Variants in DLG2 observed in about 807,000 individuals in gnomAD.
DLG2 encodes discs large MAGUK scaffold protein 2.
DLG2 carries 45 observed loss-of-function variants against 132.5 expected under a neutral mutation model. The observed-to-expected ratio is 0.34, with a 90% CI of 0.27 to 0.44. The LOEUF is 0.44. DLG2 is among the 20% of genes least tolerant of loss of function. The probability of loss-of-function intolerance (pLI) is 1.00; values close to 1 mark genes in which losing one functional copy is unlikely to be tolerated. For synonymous variants in DLG2, 424 were observed against 419.6 expected (o/e 1.01, Z -0.13); for missense variants, 1,045 against 1,196.9 (o/e 0.87, Z 1.87).
chr11:83,578,927 G>A (rs1403492453), intron 19 of DLG2, among the ~76,000 whole-genome samples: 5 of 152,202 alleles, frequency 3.3e-5, no homozygotes, highest in Non-Finnish European at 7.4e-5. Context: ...CACAGACAGT[G>A]AGTGATAGAA....
chr11:84,466,595 C>A (rs967379946), intron 7 of DLG2, among the ~76,000 whole-genome samples: 6 of 151,322 alleles, frequency 4.0e-5, no homozygotes, highest in Non-Finnish European at 7.4e-5. Flanking sequence ...CTCTTTCATG[C>A]TACAGGTTGG....
chr11:84,641,998 GAT>G (rs1334607883), intron 6 of DLG2, among the ~76,000 whole-genome samples: 4 of 139,888 alleles, frequency 2.9e-5, no homozygotes, highest in African/African-American at 8.3e-5. Flanking sequence ...TGTGTGTGTG[GAT>G]ATGTTTTATA....
chr11:83,655,503 G>A (rs2072094495), intron 18 of DLG2, among the ~76,000 whole-genome samples: 1 of 152,162 alleles, frequency 6.6e-6, no homozygotes, highest in Non-Finnish European at 1.5e-5. Context: ...CTTGGGAGCA[G>A]ATGGATTAAT....
chr11:85,492,864 T>A (rs1421233191), intron 3 of DLG2, among the ~76,000 whole-genome samples: 1 of 152,086 alleles, frequency 6.6e-6, no homozygotes, highest in Non-Finnish European at 1.5e-5. Context: ...CATCATATTG[T>A]TAAGGTATAA....
chr11:85,373,364 A>C (rs2085143209), intron 3 of DLG2, among the ~76,000 whole-genome samples: 1 of 151,966 alleles, frequency 6.6e-6, no homozygotes, highest in African/African-American at 2.4e-5. Context: ...GGCCCCTCCT[A>C]CCAGGAACAC....
chr11:85,277,324 A>G lies in DLG2; in HGVS notation c.186+7896T>C, dbSNP rs2077953850. Among the ~76,000 whole-genome samples, 7 of 152,318 alleles carry G rather than the reference A, an allele frequency of 4.6e-5. 1 individual carries two copies. The South Asian group carries it at 1.4e-3, about 32-fold the overall frequency. On this transcript the variant is annotated intron_variant, in intron 4 of 27. Transcript: ENST00000376104. ...TAGATCAGTGCCATTGTGAATGGAG[A>G]GGAAGGTCAAACATAGAGATATTTC...
At chr11:84,735,658 T>A (rs2153817122) in intron 6 of DLG2, among the ~76,000 whole-genome samples, 1 of 152,270 alleles carries the variant, frequency 6.6e-6, no homozygotes, top group South Asian at 2.1e-4. Flanking sequence ...CTGATCTTAG[T>A]TATTTCTTGC....
chr11:85,484,426 G>A (rs1343280247), intron 3 of DLG2, among the ~76,000 whole-genome samples: 1 of 151,002 alleles, frequency 6.6e-6, no homozygotes, highest in Non-Finnish European at 1.5e-5. Flanking sequence ...CCTACAAAAT[G>A]GGAGAAAATA....
intron 3 of DLG2, among the ~76,000 whole-genome samples, chr11:85,561,533 G>A (rs1371992600): frequency 2.0e-5 from 3 of 151,160 alleles, no homozygotes; most frequent in African/African-American, 4.8e-5. Context: ...AATTTCCCTC[G>A]CATTAGCACT....
At chr11:84,483,804 G>A (rs550170821) in intron 7 of DLG2, among the ~76,000 whole-genome samples, 8 of 152,150 alleles carry the variant, frequency 5.3e-5, no homozygotes, top group African/African-American at 1.7e-4. Context: ...CCTGAATGCC[G>A]CCTAATTGAG....
intron 3 of DLG2, among the ~76,000 whole-genome samples, chr11:85,346,924 A>G (rs571211330): frequency 6.6e-6 from 1 of 152,248 alleles, no homozygotes; most frequent in Admixed American, 6.5e-5. Flanking sequence ...AAAAGGACAC[A>G]GCCAGGAAAT....
At chr11:83,599,167 ATTCT>A (rs1437209130) in intron 19 of DLG2, among the ~76,000 whole-genome samples, 1 of 152,148 alleles carries the variant, frequency 6.6e-6, no homozygotes, top group Non-Finnish European at 1.5e-5. Context: ...AAACAAAACA[ATTCT>A]TTCAATGGCT....
intron 4 of DLG2, among the ~76,000 whole-genome samples, chr11:85,206,535 A>G (rs2081906754): frequency 6.6e-6 from 1 of 152,196 alleles, no homozygotes; most frequent in African/African-American, 2.4e-5. Context: ...TACATGGTAT[A>G]TAAGTAATAA....
chr11:83,676,151 T>C lies in DLG2; in HGVS notation c.1826-42826A>G, dbSNP rs531399934. 4.6e-5 allele frequency among the ~76,000 whole-genome samples: 7 copies of C among 152,150 alleles called. No individual in the cohort carries two copies. The East Asian group carries it at 9.7e-4, about 21-fold the overall frequency. On this transcript the variant is annotated intron_variant, in intron 18 of 27. Coordinates refer to ENST00000376104, the MANE Select transcript of DLG2 (RefSeq NM_001142699.3). ...GGAGATTTGGTCTCATGTTCAGGGG[T>C]GGATATAAGCCAGTCTCTTCAAAGT...
intron 3 of DLG2, among the ~76,000 whole-genome samples, chr11:85,377,743 G>C (rs1223905234): frequency 6.7e-6 from 1 of 148,598 alleles, no homozygotes; most frequent in African/African-American, 2.5e-5. Flanking sequence ...ACAATACCAT[G>C]GTGGCTCTGT....
intron 7 of DLG2, among the ~76,000 whole-genome samples, chr11:84,366,468 A>G (rs1350841076): frequency 6.6e-6 from 1 of 152,104 alleles, no homozygotes; most frequent in East Asian, 1.9e-4. Flanking sequence ...TAACAATATT[A>G]ACTTAAAATG....
At chr11:84,193,671 T>C (rs1177621305) in intron 8 of DLG2, among the ~76,000 whole-genome samples, 1 of 152,238 alleles carries the variant, frequency 6.6e-6, no homozygotes, top group Non-Finnish European at 1.5e-5. Context: ...CTGGGTCCTA[T>C]GCTGTACAGG....
At chr11:83,686,189 G>A (rs1474538706) in intron 18 of DLG2, among the ~76,000 whole-genome samples, 2 of 152,078 alleles carry the variant, frequency 1.3e-5, no homozygotes, top group Admixed American at 1.3e-4. Context: ...TCCTTGCTCA[G>A]CTCCCTTCAG....
At chr11:84,086,952 A>G (rs927634492) in intron 10 of DLG2, among the ~76,000 whole-genome samples, 1 of 152,144 alleles carries the variant, frequency 6.6e-6, no homozygotes, top group Non-Finnish European at 1.5e-5. Context: ...TTCACTTAGC[A>G]TGTTTTCAAG....
Sources: gnomAD v4.1 joint callset for allele counts (sites outside exome capture counted in the v4.1 genomes callset) on GRCh38, gnomAD v4.1.1 for gene constraint, MANE v1.5 for transcripts, NCBI Gene and HGNC (gene_info 2026-07-23, HGNC 2026-07-21) for gene names.